Variants in ALK observed in about 807,000 individuals in gnomAD.
The protein encoded by ALK is ALK receptor tyrosine kinase.
In ALK, 74 loss-of-function variants were observed where a neutral mutation model predicts 163.1. The ratio of observed to expected loss-of-function variants is 0.45; its 90% CI spans 0.38 to 0.55. The LOEUF (loss-of-function observed/expected upper bound fraction) is 0.55, where lower values mean the gene tolerates loss of function less well. ALK is among the 20% of genes least tolerant of loss of function. ALK has a pLI of 0.00. For missense variants in ALK, 2,063 were observed against 2,105.3 expected, an observed-to-expected ratio of 0.98 and a Z score of 0.39; for synonymous variants, 960 against 843.2, an observed-to-expected ratio of 1.14 and a Z score of -2.40.
At chr2:29,785,679 A>T (rs1016277841) in intron 1 of ALK, among the ~76,000 whole-genome samples, 5 of 152,208 alleles carry the variant, frequency 3.3e-5, no homozygotes, top group Non-Finnish European at 7.3e-5. Flanking sequence ...CAAGAAAGAA[A>T]GTAGATGGGG....
At chr2:29,210,437 T>C (rs1669432788) in intron 24 of ALK, among the ~76,000 whole-genome samples, 1 of 152,112 alleles carries the variant, frequency 6.6e-6, no homozygotes, top group Non-Finnish European at 1.5e-5. Context: ...ATTTCTAGTT[T>C]TTTGTTTTGT....
Position 29,714,336 on chromosome 2 carries a change from C to T in ALK, c.787+3242G>A, listed in dbSNP as rs184917624. 1.8e-4 allele frequency among the ~76,000 whole-genome samples: 27 copies of T among 152,220 alleles called. No individual in the cohort carries two copies. In the East Asian group the frequency reaches 5.0e-3, roughly 28 times the overall value. On this transcript the variant is annotated intron_variant, in intron 2 of 28. Transcript: ENST00000389048. ...ACGGAAGAGAATATATTTTACACAGCATATTAGGCCCCAATGCAAATTAGA... is the reference window on the plus strand; with the variant it reads ...ACGGAAGAGAATATATTTTACACAGTATATTAGGCCCCAATGCAAATTAGA...
chr2:29,297,072 A>C lies in ALK; in HGVS notation c.1648-15T>G, dbSNP rs2148231311. ...GACATTCGGAGCTGTGAGGGCGAGA[A>C]GAGTCAGAGGACAAGGTATGATTGC... On this transcript the variant is annotated splice_polypyrimidine_tract_variant and intron_variant, in intron 8 of 28. Coordinates refer to ENST00000389048, the MANE Select transcript of ALK (RefSeq NM_004304.5). 6.2e-7 allele frequency: 1 copy of C among 1,614,186 alleles called. No individual in the cohort carries two copies. The highest frequency in any genetic ancestry group is 8.5e-7 in the Non-Finnish European group (1 of 1,180,016).
intron 5 of ALK, among the ~76,000 whole-genome samples, chr2:29,369,766 G>T (rs67370809): frequency 0.099 from 15,120 of 152,278 alleles, 849 homozygotes; most frequent in East Asian, 0.14. Flanking sequence ...GGGGAAGGCT[G>T]TCCATGAGCT....
intron 4 of ALK, among the ~76,000 whole-genome samples, chr2:29,406,549 C>T (rs1446180088): frequency 6.6e-6 from 1 of 152,154 alleles, no homozygotes; most frequent in African/African-American, 2.4e-5. Context: ...ACCTGTGTTC[C>T]TTTGCAGAGC....
At chr2:29,446,530 G>A (rs1670688180) in intron 4 of ALK, among the ~76,000 whole-genome samples, 1 of 152,158 alleles carries the variant, frequency 6.6e-6, no homozygotes, top group Non-Finnish European at 1.5e-5. Flanking sequence ...AGACTTTACT[G>A]TGTCTATTGA....
intron 3 of ALK, among the ~76,000 whole-genome samples, chr2:29,556,235 G>C (rs1673855303): frequency 6.6e-6 from 1 of 152,180 alleles, no homozygotes; most frequent in African/African-American, 2.4e-5. Flanking sequence ...CTTGCTGTGT[G>C]ATCTTACTGT....
At chr2:29,520,346 G>C (rs752578682) in intron 4 of ALK, among the ~76,000 whole-genome samples, 4 of 152,216 alleles carry the variant, frequency 2.6e-5, no homozygotes, top group Non-Finnish European at 4.4e-5. Flanking sequence ...AGTTTTCAAA[G>C]AGTTTCTGGT....
At chr2:29,222,666 C>T (rs1669839411) in intron 20 of ALK, 59 bp from the exon 21 acceptor site, 2 of 1,491,872 alleles carry the variant, frequency 1.3e-6, no homozygotes, top group Admixed American at 3.6e-5. Flanking sequence ...AATGAGGCAG[C>T]TGGGGGTCCT....
At chr2:29,513,569 C>T (rs1672580225) in intron 4 of ALK, among the ~76,000 whole-genome samples, 1 of 151,956 alleles carries the variant, frequency 6.6e-6, no homozygotes, top group African/African-American at 2.4e-5. Context: ...TAGGCATTAC[C>T]ATTCAGGACT....
intron 5 of ALK, among the ~76,000 whole-genome samples, chr2:29,347,258 C>T (rs560439176): frequency 7.9e-5 from 12 of 152,272 alleles, no homozygotes; most frequent in Non-Finnish European, 1.5e-4. Context: ...GGGTCTCTGG[C>T]CCTGCCTGAG....
At chr2:29,878,762 C>G (rs1455935719) in intron 1 of ALK, among the ~76,000 whole-genome samples, 2 of 152,156 alleles carry the variant, frequency 1.3e-5, no homozygotes, top group African/African-American at 4.8e-5. Flanking sequence ...ACAGTAGACA[C>G]AGCAGAGAGC....
chr2:29,256,199 G>T (rs1227684791), intron 11 of ALK, among the ~76,000 whole-genome samples: 2 of 152,172 alleles, frequency 1.3e-5, no homozygotes, highest in African/African-American at 4.8e-5. Flanking sequence ...GGTGAGCCTT[G>T]ATCCCCAGGT....
intron 3 of ALK, among the ~76,000 whole-genome samples, chr2:29,692,492 AT>A (rs1678428230): frequency 1.3e-5 from 2 of 152,232 alleles, no homozygotes; most frequent in African/African-American, 2.4e-5. Context: ...CAGGCATTAG[AT>A]TCTCATAAGA....
intron 3 of ALK, among the ~76,000 whole-genome samples, chr2:29,677,846 T>C (rs1677931766): frequency 6.6e-6 from 1 of 152,200 alleles, no homozygotes; most frequent in Non-Finnish European, 1.5e-5. Flanking sequence ...TAAAAGAATA[T>C]GTCAATAATT....
rs570269998 is a variant in ALK, at chr2:29,471,759, C to G, written c.1154+60156G>C. On this transcript the variant is annotated intron_variant, in intron 4 of 28. Transcript: ENST00000389048. ...TCTTTTCTTTTTTTTTTTTTTGAGA[C>G]AGAGTTTCATTCACTCTTGTTGCCC... Among the ~76,000 whole-genome samples the G allele has an allele frequency of 2.7e-5, 4 of 147,240 alleles. No individual in the cohort carries two copies. In the Admixed American group the frequency reaches 2.7e-4, roughly 10 times the overall value.
intron 5 of ALK, among the ~76,000 whole-genome samples, chr2:29,376,184 A>G (rs1668749276): frequency 6.6e-6 from 1 of 151,964 alleles, no homozygotes; most frequent in Non-Finnish European, 1.5e-5. Context: ...TAAAACCAAT[A>G]TATACTCTTA....
chr2:29,506,414 CA>C (rs1672323638), intron 4 of ALK, among the ~76,000 whole-genome samples: 1 of 152,126 alleles, frequency 6.6e-6, no homozygotes, highest in African/African-American at 2.4e-5. Flanking sequence ...GTGAGCTCAT[CA>C]GGGGATAATG....
intron 3 of ALK, among the ~76,000 whole-genome samples, chr2:29,538,558 C>T (rs909015854): frequency 6.6e-6 from 1 of 152,140 alleles, no homozygotes. Flanking sequence ...AACCATGAGC[C>T]AATTACACCT....
Sources: allele counts gnomAD v4.1 joint callset (sites outside exome capture counted in the v4.1 genomes callset), GRCh38; gene constraint gnomAD v4.1.1; transcripts MANE v1.5; gene names NCBI Gene and HGNC (gene_info 2026-07-23, HGNC 2026-07-21).